FSD1L: variants seen among roughly 807,000 people sequenced by gnomAD.
The protein encoded by FSD1L is FSD1-like protein.
A neutral mutation model predicts 71.6 loss-of-function variants in FSD1L; 45 were observed. The ratio of observed to expected loss-of-function variants is 0.63; its 90% CI spans 0.49 to 0.81. The LOEUF (loss-of-function observed/expected upper bound fraction) is 0.81. Among genes scored for constraint, FSD1L ranks in the 30% least tolerant of loss-of-function variants. The probability of loss-of-function intolerance (pLI) is 0.00; values close to 1 mark genes in which losing one functional copy is unlikely to be tolerated. For synonymous variants in FSD1L, 197 were observed against 207.2 expected (o/e 0.95, Z 0.42); for missense variants, 561 against 618.1 (o/e 0.91, Z 0.98).
rs374326151 is a variant in FSD1L, at chr9:105,503,056, AT to A, written c.587-3336del. Among the ~76,000 whole-genome samples the A allele has an allele frequency of 7.8e-3, 1,180 of 151,016 alleles. 18 individuals are homozygous for A. Among genetic ancestry groups the A allele is most frequent in the African/African-American group, 0.027 (1,101 of 41,098 alleles). Reference sequence around the variant, plus strand: ...CGCCATACCCAACTAAATTTTTCTGATTTTTTTGTCAAAGTGAGATGGGGTC... The same window carrying A: ...CGCCATACCCAACTAAATTTTTCTGATTTTTTGTCAAAGTGAGATGGGGTC... On this transcript the variant is annotated intron_variant, in intron 7 of 13. Coordinates refer to ENST00000481272, the MANE Select transcript of FSD1L (RefSeq NM_001145313.3).
At chr9:105,508,141 G>T (rs1163170169) in intron 8 of FSD1L, among the ~76,000 whole-genome samples, 3 of 150,318 alleles carry the variant, frequency 2.0e-5, no homozygotes, top group African/African-American at 7.3e-5. Flanking sequence ...TGGGATTACA[G>T]GCGTGAGCCA....
At chr9:105,500,429 G>A (rs1411682893) in intron 7 of FSD1L, among the ~76,000 whole-genome samples, 1 of 152,174 alleles carries the variant, frequency 6.6e-6, no homozygotes, top group African/African-American at 2.4e-5. Context: ...GGAGTGGGCT[G>A]GGGTTGGTCT....
At chr9:105,491,227 T>G (rs913461078) in intron 7 of FSD1L, among the ~76,000 whole-genome samples, 3 of 151,690 alleles carry the variant, frequency 2.0e-5, no homozygotes, top group African/African-American at 2.4e-5. Context: ...TTCACATCCC[T>G]TGTAAGTTGG....
chr9:105,526,230 T>C, intron 10 of FSD1L: 1 of 1,599,680 alleles, frequency 6.3e-7, no homozygotes, highest in African/African-American at 1.3e-5. Context: ...AAAACTTCTA[T>C]GAGGAGAGAG....
At chr9:105,481,613 T>A (rs530355721) in intron 6 of FSD1L, among the ~76,000 whole-genome samples, 1 of 152,136 alleles carries the variant, frequency 6.6e-6, no homozygotes, top group Non-Finnish European at 1.5e-5. Context: ...TTTTAAAATT[T>A]GATGTTTAGC....
intron 10 of FSD1L, chr9:105,523,906 C>A: frequency 6.3e-7 from 1 of 1,591,086 alleles, no homozygotes. Flanking sequence ...ATTGTAGCAG[C>A]TGGTAGAGTG....
rs563113129 is a variant in FSD1L, at chr9:105,487,818, A to G, written c.586+3316A>G. Among the ~76,000 whole-genome samples, 22 of 152,324 alleles carry G rather than the reference A, an allele frequency of 1.4e-4. No individual in the cohort carries two copies. In the South Asian group the frequency reaches 4.3e-3, roughly 30 times the overall value. Reference sequence around the variant, plus strand: ...TACTTAGAAAGACTTCACTATTGCAAGATTGTAAAAATACACATATTTTCT... The same window carrying G: ...TACTTAGAAAGACTTCACTATTGCAGGATTGTAAAAATACACATATTTTCT... On this transcript the variant is annotated intron_variant, in intron 7 of 13. Coordinates refer to ENST00000481272, the MANE Select transcript of FSD1L (RefSeq NM_001145313.3).
intron 10 of FSD1L, chr9:105,524,707 C>G (rs1394910686): frequency 6.2e-7 from 1 of 1,613,932 alleles, no homozygotes; most frequent in Non-Finnish European, 8.5e-7. Context: ...GAACGATCTT[C>G]TAAACTCCAG....
At chr9:105,546,279 G>A in intron 13 of FSD1L, 79 bp from the exon 14 acceptor site, 2 of 1,340,374 alleles carry the variant, frequency 1.5e-6, no homozygotes, top group Non-Finnish European at 2.0e-6. Flanking sequence ...GTGGCATTTT[G>A]CCTTTGAAAT....
At chr9:105,542,582 TA>T (rs1836698194) in intron 13 of FSD1L, among the ~76,000 whole-genome samples, 1 of 152,028 alleles carries the variant, frequency 6.6e-6, no homozygotes, top group Admixed American at 6.6e-5. Context: ...GCCTCCCGAG[TA>T]GCTGGGATTA....
At chr9:105,522,969 A>C in intron 10 of FSD1L, 2 of 1,614,020 alleles carry the variant, frequency 1.2e-6, no homozygotes, top group Non-Finnish European at 1.7e-6. Flanking sequence ...TGATCTTATC[A>C]GCTCAGATAG....
intron 1 of FSD1L, among the ~76,000 whole-genome samples, chr9:105,451,704 C>T (rs565672225): frequency 6.6e-6 from 1 of 152,258 alleles, no homozygotes; most frequent in South Asian, 2.1e-4. Flanking sequence ...GATACTCAAA[C>T]CTTTTGATTA....
rs1837229224 is a variant in FSD1L, at chr9:105,550,728, T to C, written c.*4245T>C. On this transcript the variant is annotated 3_prime_UTR_variant, in exon 14 of 14. Coordinates refer to ENST00000481272, the MANE Select transcript of FSD1L (RefSeq NM_001145313.3). ...TGGATATGCCACATCAGAGTTAGCA[T>C]TGACTTATAAATAAATACCAGAATT... is the stretch of plus-strand genomic sequence containing the variant. 1 of 152,232 alleles carries C rather than the reference T, an allele frequency of 6.6e-6. No individual in the cohort carries two copies. Among genetic ancestry groups the C allele is most frequent in the South Asian group, 2.1e-4 (1 of 4,826 alleles). 9.4% of individuals were successfully genotyped at this position (152,232 alleles called of 1,614,324 possible).
chr9:105,442,539 T>A, the FSD1L span, among the ~76,000 whole-genome samples: 1 of 149,414 alleles, frequency 6.7e-6, no homozygotes, highest in Admixed American at 6.7e-5. Flanking sequence ...AAAAAAAAAA[T>A]TAGCTGGGCA....
At position 105,501,570 on chromosome 9, in the gene FSD1L, A is replaced by G. The variant is rs139144250; in HGVS notation, c.587-4829A>G. Among the ~76,000 whole-genome samples, 121 of 150,852 alleles carry G rather than the reference A, an allele frequency of 8.0e-4. 1 individual carries two copies. The East Asian group carries it at 0.022, about 28-fold the overall frequency. ...CCTGAGTTGCTAGGACTACAGGTGC[A>G]TGCCACCACACCCAGCTAATTTTTA... On this transcript the variant is annotated intron_variant, in intron 7 of 13. Transcript: ENST00000481272.
chr9:105,477,677 A>C (rs549755350), intron 5 of FSD1L, among the ~76,000 whole-genome samples: 1 of 152,176 alleles, frequency 6.6e-6, no homozygotes, highest in South Asian at 2.1e-4. Context: ...ACTTACATTA[A>C]AATCTTTGTT....
upstream of FSD1L, among the ~76,000 whole-genome samples, chr9:105,446,293 T>G (rs567475363): frequency 2.6e-5 from 4 of 152,330 alleles, no homozygotes; most frequent in South Asian, 8.3e-4. Context: ...TATACTCAGG[T>G]CATTTCCAAG....
At chr9:105,452,672 T>TGCC (rs57907257) in intron 1 of FSD1L, among the ~76,000 whole-genome samples, 2,210 of 104,262 alleles carry the variant, frequency 0.021, 38 homozygotes, top group African/African-American at 0.054. Context: ...CCTGCCTGCC[T>TGCC]TCCTTCCTTC....
intron 13 of FSD1L, among the ~76,000 whole-genome samples, chr9:105,540,770 T>A (rs1347290936): frequency 1.3e-5 from 2 of 152,152 alleles, no homozygotes; most frequent in African/African-American, 2.4e-5. Flanking sequence ...CCTGTGTAAT[T>A]GCAGGTCTAC....
Sources: allele counts gnomAD v4.1 joint callset (sites outside exome capture counted in the v4.1 genomes callset), GRCh38; gene constraint gnomAD v4.1.1; transcripts MANE v1.5; gene names NCBI Gene and HGNC (gene_info 2026-07-23, HGNC 2026-07-21).